The following CCNT2 variants were observed in gnomAD, a reference collection of about 807,000 sequenced individuals.
CCNT2 encodes cyclin-T2.
Under a neutral mutation model 70.0 loss-of-function variants are expected in CCNT2, and 18 were observed. The observed-to-expected ratio is 0.26, with a 90% CI of 0.18 to 0.38. The LOEUF is 0.38. Among genes scored for constraint, CCNT2 ranks in the 10% least tolerant of loss-of-function variants. The pLI, the probability that CCNT2 is intolerant of heterozygous loss-of-function variation, is 1.00. For synonymous variants in CCNT2, 334 were observed against 313.3 expected (o/e 1.07, Z -0.70); for missense variants, 734 against 890.2 (o/e 0.82, Z 2.23).
chr2:134,954,860 G>T lies in CCNT2; in HGVS notation c.*212G>T, dbSNP rs1052053666. On this transcript the variant is annotated 3_prime_UTR_variant, in exon 9 of 9. Transcript: ENST00000264157. ...TGATAGTGTTATAAATACTGTAAAA[G>T]CATGGAAGGTGCAAAACTCAGTATT... 6.1e-6 allele frequency: 3 copies of T among 489,714 alleles called. No individual in the cohort carries two copies. The highest frequency in any genetic ancestry group is 5.7e-5 in the African/African-American group (3 of 52,312). 30.3% of individuals were successfully genotyped at this position (489,714 alleles called of 1,614,324 possible). A position where few individuals can be genotyped will look rare whatever the true frequency, so the allele number is the denominator to read the frequency against.
chr2:134,938,264 G>C (rs1475248790), intron 3 of CCNT2, among the ~76,000 whole-genome samples: 1 of 151,926 alleles, frequency 6.6e-6, no homozygotes, highest in East Asian at 1.9e-4. Context: ...AAAATAAAAG[G>C]TACTTTTACT....
chr2:134,945,956 A>G (rs1174201075), intron 5 of CCNT2, 145 bp from the exon 6 acceptor site: 5 of 1,556,720 alleles, frequency 3.2e-6, no homozygotes, highest in Non-Finnish European at 3.5e-6. Context: ...ATAGAAAATG[A>G]TGGCGCTCTT....
At chr2:134,934,712 G>T (rs1270744904) in intron 2 of CCNT2, among the ~76,000 whole-genome samples, 1 of 152,230 alleles carries the variant, frequency 6.6e-6, no homozygotes, top group Non-Finnish European at 1.5e-5. Context: ...TTGGAAGAGT[G>T]TTGGGAATTA....
At position 134,954,544 on chromosome 2, in the gene CCNT2, C is replaced by T; in HGVS notation, c.2089C>T (p.Pro697Ser). The T allele has an allele frequency of 6.2e-7, 1 of 1,614,018 alleles. No homozygotes were observed. Among genetic ancestry groups the T allele is most frequent in the South Asian group, 1.1e-5 (1 of 91,076 alleles). Residue 697 changes from proline to serine, a missense_variant, in exon 9 of 9, where the codon CCT (proline) becomes TCT (serine). Physicochemically the swap from Pro to Ser is moderately conservative, Grantham distance 74. Coordinates refer to ENST00000264157, the MANE Select transcript of CCNT2 (RefSeq NM_058241.3). ...LDKKPVETNG[P>S]DANHEYSTSS... The stretch of plus-strand genomic sequence containing the variant: ...CAAGAAGCCAGTGGAGACCAACGGT[C>T]CTGATGCCAATCACGAGTACAGTAC...
intron 6 of CCNT2, 123 bp downstream of exon 6, chr2:134,946,269 G>A: frequency 3.1e-6 from 4 of 1,297,860 alleles, no homozygotes; most frequent in Non-Finnish European, 4.3e-6. Flanking sequence ...TACTGTGGTG[G>A]TACCTTCCTG....
chr2:134,951,867 G>T (rs1486705416), intron 7 of CCNT2, among the ~76,000 whole-genome samples: 1 of 151,980 alleles, frequency 6.6e-6, no homozygotes, highest in Admixed American at 6.6e-5. Flanking sequence ...CCCTATTCTA[G>T]GATCCCATGT....
chr2:134,923,714 C>T (rs1680082118), intron 2 of CCNT2, among the ~76,000 whole-genome samples: 1 of 152,200 alleles, frequency 6.6e-6, no homozygotes. Flanking sequence ...CTTGTTTTCT[C>T]AGGTAAAGTA....
chr2:134,949,046 A>G (rs1200754124), intron 7 of CCNT2, among the ~76,000 whole-genome samples: 1 of 150,802 alleles, frequency 6.6e-6, no homozygotes, highest in Non-Finnish European at 1.5e-5. Context: ...TTTGAGACAG[A>G]TACTCACTCT....
At chr2:134,924,328 A>T (rs1016408169) in intron 2 of CCNT2, among the ~76,000 whole-genome samples, 2 of 152,208 alleles carry the variant, frequency 1.3e-5, no homozygotes, top group Non-Finnish European at 2.9e-5. Context: ...TGTATAGTGG[A>T]TTATTATAAA....
At chr2:134,947,159 C>T (rs978137296) in intron 6 of CCNT2, among the ~76,000 whole-genome samples, 12 of 152,154 alleles carry the variant, frequency 7.9e-5, no homozygotes, top group African/African-American at 2.9e-4. Context: ...AACATTGAGC[C>T]TTGAAGCTGT....
intron 2 of CCNT2, among the ~76,000 whole-genome samples, chr2:134,923,666 T>C (rs964248816): frequency 6.6e-6 from 1 of 152,228 alleles, no homozygotes; most frequent in African/African-American, 2.4e-5. Flanking sequence ...GGTTGAAATT[T>C]TATTAAGATC....
chr2:134,944,239 A>G (rs1573840980), intron 5 of CCNT2: 1 of 982,842 alleles, frequency 1.0e-6, no homozygotes, highest in South Asian at 4.7e-5. Flanking sequence ...AATTAAGGAA[A>G]AAGGGTTAGT....
At chr2:134,932,203 T>A (rs1483042824) in intron 2 of CCNT2, among the ~76,000 whole-genome samples, 1 of 151,958 alleles carries the variant, frequency 6.6e-6, no homozygotes, top group Non-Finnish European at 1.5e-5. Context: ...AATCTTGAAC[T>A]CCTGACCTGT....
intron 2 of CCNT2, among the ~76,000 whole-genome samples, chr2:134,921,215 A>G (rs945271612): frequency 3.9e-5 from 6 of 152,226 alleles, no homozygotes; most frequent in Non-Finnish European, 5.9e-5. Context: ...ACCCTGGATA[A>G]TAATGGTAGA....
chr2:134,926,837 T>C (rs1384847062), intron 2 of CCNT2, among the ~76,000 whole-genome samples: 1 of 152,240 alleles, frequency 6.6e-6, no homozygotes, highest in Non-Finnish European at 1.5e-5. Context: ...CTTGTTGCTC[T>C]GTTTTTCTGT....
rs1257274709 is a variant in CCNT2, at chr2:134,959,288, CTT to C, written c.*4642_*4643del. On this transcript the variant is annotated 3_prime_UTR_variant, in exon 9 of 9. Transcript: ENST00000264157. ...GTATATGGCATGAATTAGTCATTGA[CTT>C]TAAGCTTCTTATCCATACAAGGAAC... is the stretch of plus-strand genomic sequence containing the variant. 2 of 152,082 alleles carry C rather than the reference CTT, an allele frequency of 1.3e-5. No individual in the cohort carries two copies. The highest frequency in any genetic ancestry group is 2.9e-5 in the Non-Finnish European group (2 of 67,998). The allele number at this position is 152,082 out of a possible 1,614,324, so 9.4% of individuals were successfully genotyped here.
At chr2:134,936,800 G>T (rs968959171) in intron 2 of CCNT2, 41 bp from the exon 3 acceptor site, 3 of 1,545,610 alleles carry the variant, frequency 1.9e-6, no homozygotes, top group Non-Finnish European at 2.6e-6. Context: ...TTTTTGAAAT[G>T]TATTTGTTCT....
chr2:134,945,778 TA>T, intron 5 of CCNT2: 1 of 1,297,640 alleles, frequency 7.7e-7, no homozygotes. Context: ...CTTTTTTTTT[TA>T]AATCCAGGAG....
intron 2 of CCNT2, among the ~76,000 whole-genome samples, chr2:134,932,298 G>A (rs1310794632): frequency 8.5e-5 from 13 of 152,110 alleles, no homozygotes; most frequent in African/African-American, 3.1e-4. Flanking sequence ...ACCACGCTCG[G>A]CTGATATTTT....
Sources: allele counts gnomAD v4.1 joint callset (sites outside exome capture counted in the v4.1 genomes callset), GRCh38; gene constraint gnomAD v4.1.1; transcripts MANE v1.5; gene names NCBI Gene and HGNC (gene_info 2026-07-23, HGNC 2026-07-21).